Variants in EDC3 observed in about 807,000 individuals in gnomAD.
EDC3 encodes the protein enhancer of mRNA decapping 3.
Under a neutral mutation model 41.8 loss-of-function variants are expected in EDC3, and 20 were observed. The ratio of observed to expected loss-of-function variants is 0.48; its 90% CI spans 0.34 to 0.70. EDC3 has a LOEUF of 0.70. EDC3 is among the 30% of genes least tolerant of loss of function. The pLI is 0.01. For missense variants in EDC3, 444 were observed against 636.8 expected, an observed-to-expected ratio of 0.70 and a Z score of 3.26; for synonymous variants, 206 against 243.2, an observed-to-expected ratio of 0.85 and a Z score of 1.42.
At chr15:74,633,862 C>CA (rs2062240831) in intron 6 of EDC3, among the ~76,000 whole-genome samples, 1 of 152,206 alleles carries the variant, frequency 6.6e-6, no homozygotes. Context: ...TAGAGACTCA[C>CA]AACTTCCTTG....
chr15:74,665,773 A>G (rs1334056816), intron 3 of EDC3, among the ~76,000 whole-genome samples: 1 of 152,106 alleles, frequency 6.6e-6, no homozygotes, highest in East Asian at 1.9e-4. Context: ...GCCAGAACTG[A>G]AGACAGATTA....
intron 6 of EDC3, among the ~76,000 whole-genome samples, chr15:74,633,993 G>C (rs995253472): frequency 6.6e-6 from 1 of 152,136 alleles, no homozygotes; most frequent in Admixed American, 6.5e-5. Context: ...TGAAGTTTCT[G>C]GTCCAGGCTT....
At chr15:74,674,929 T>A (rs565308332) in intron 2 of EDC3, 32 bp downstream of exon 2, 11 of 1,612,586 alleles carry the variant, frequency 6.8e-6, no homozygotes, top group African/African-American at 2.7e-5. Context: ...GACCACCAGG[T>A]TGGATTCAGA....
chr15:74,667,707 G>A (rs548668622), intron 3 of EDC3, among the ~76,000 whole-genome samples: 10 of 152,204 alleles, frequency 6.6e-5, no homozygotes, highest in African/African-American at 2.4e-4. Flanking sequence ...TGAATTATAA[G>A]CCAAAGTATA....
chr15:74,659,333 A>C (rs1483063940), intron 3 of EDC3, among the ~76,000 whole-genome samples: 2 of 151,868 alleles, frequency 1.3e-5, no homozygotes, highest in Non-Finnish European at 2.9e-5. Context: ...GTGGTGGCGC[A>C]TGCCTGTAAT....
chr15:74,678,265 C>A (rs1370998263), intron 1 of EDC3, among the ~76,000 whole-genome samples: 3 of 151,904 alleles, frequency 2.0e-5, no homozygotes, highest in African/African-American at 7.3e-5. Flanking sequence ...AGTGTAGGTT[C>A]ATCAATTGTA....
chr15:74,674,773 G>C (rs1458613354), intron 2 of EDC3, 188 bp downstream of exon 2: 3 of 619,946 alleles, frequency 4.8e-6, no homozygotes, highest in Non-Finnish European at 8.4e-6. Context: ...CCAGCACTTC[G>C]GGAGGCCACA....
intron 1 of EDC3, among the ~76,000 whole-genome samples, chr15:74,678,891 GAAAA>G (rs35560581): frequency 2.7e-5 from 3 of 109,934 alleles, no homozygotes; most frequent in Non-Finnish European, 6.0e-5. Context: ...CTCCGTCTCA[GAAAA>G]AAAAAAAAAA....
chr15:74,646,059 GTTTTGT>G (rs1227604116), intron 4 of EDC3, among the ~76,000 whole-genome samples: 2 of 133,330 alleles, frequency 1.5e-5, no homozygotes, highest in Non-Finnish European at 3.1e-5. Flanking sequence ...TGTTGTTGTT[GTTTTGT>G]TTTTTTTTTT....
intron 5 of EDC3, chr15:74,637,127 A>G (rs1409563511): frequency 1.3e-5 from 2 of 152,244 alleles, no homozygotes; most frequent in Non-Finnish European, 2.9e-5. Context: ...ACATTAAATT[A>G]TGTTGTGAAA....
chr15:74,692,741 TAC>T (rs1245808391), intron 1 of EDC3: 7 of 152,260 alleles, frequency 4.6e-5, no homozygotes, highest in Non-Finnish European at 1.0e-4. Context: ...ATGTATTTCT[TAC>T]AGTCTTTGTT....
chr15:74,637,658 G>C (rs763849697), intron 5 of EDC3: 1 of 152,230 alleles, frequency 6.6e-6, no homozygotes, highest in Admixed American at 6.5e-5. Flanking sequence ...CTTGAATTAA[G>C]ATCACTTCAG....
At chr15:74,666,506 G>A (rs967537603) in intron 3 of EDC3, among the ~76,000 whole-genome samples, 1 of 152,076 alleles carries the variant, frequency 6.6e-6, no homozygotes. Context: ...AACATTATCC[G>A]TCAATTAAAG....
intron 1 of EDC3, chr15:74,676,854 G>C (rs1456239688): frequency 6.6e-6 from 1 of 152,108 alleles, no homozygotes; most frequent in Non-Finnish European, 1.5e-5. Flanking sequence ...ACATGGACAC[G>C]GCAGGCAAGC....
chr15:74,635,699 C>T, intron 5 of EDC3, 73 bp from the exon 6 acceptor site: 1 of 1,338,282 alleles, frequency 7.5e-7, no homozygotes, highest in Non-Finnish European at 1.0e-6. Flanking sequence ...CAGACAATTG[C>T]CTGTAGCACC....
At chr15:74,694,869 T>C (rs1033073190) in intron 1 of EDC3, among the ~76,000 whole-genome samples, 1 of 151,778 alleles carries the variant, frequency 6.6e-6, no homozygotes, top group Non-Finnish European at 1.5e-5. Context: ...TACCAAGAAA[T>C]TGGTAATAAA....
At position 74,632,854 on chromosome 15, in the gene EDC3, C is replaced by T. The variant is rs2062228843; in HGVS notation, c.1285G>A (p.Val429Met). 1 of 1,614,272 alleles carries T rather than the reference C, an allele frequency of 6.2e-7. No homozygotes were observed. Among genetic ancestry groups the T allele is most frequent in the African/African-American group, 1.3e-5 (1 of 75,066 alleles). The change falls in exon 7 of 7, where the codon GTG (valine) becomes ATG (methionine). Residue 429 changes from valine (V) to methionine (M), a missense_variant. Coordinates refer to ENST00000315127, the MANE Select transcript of EDC3 (RefSeq NM_025083.5). This position sits in a 1 kb window ranked among gnomAD's most constrained non-coding sequence, Gnocchi z 4.0. ...GCCCGGTTCTGGTTGGCCCAGGCCA[C>T]AGCTGCCTTGTACCAGGGTTGATCG... ...LRDQPWYKAA[V>M]AWANQNRAPV...
At chr15:74,686,437 A>G (rs2062938930) in intron 1 of EDC3, among the ~76,000 whole-genome samples, 1 of 151,972 alleles carries the variant, frequency 6.6e-6, no homozygotes, top group Admixed American at 6.6e-5. Context: ...CAGTGAGCTG[A>G]GATCACACCA....
At chr15:74,648,333 A>G (rs1331293968) in intron 4 of EDC3, among the ~76,000 whole-genome samples, 1 of 152,242 alleles carries the variant, frequency 6.6e-6, no homozygotes, top group Non-Finnish European at 1.5e-5. Context: ...GACAAGAAGC[A>G]GAGGAAGGCA....
Sources: allele counts gnomAD v4.1 joint callset (sites outside exome capture counted in the v4.1 genomes callset), GRCh38; gene constraint gnomAD v4.1.1; non-coding constraint Gnocchi (gnomAD v3.1); transcripts MANE v1.5; gene names NCBI Gene and HGNC (gene_info 2026-07-23, HGNC 2026-07-21).